The following ADAMTSL1 variants were observed in gnomAD, a reference collection of about 807,000 sequenced individuals.
The protein encoded by ADAMTSL1 is ADAMTS like 1, also known as ADAMTS-like protein 1.
A neutral mutation model predicts 201.8 loss-of-function variants in ADAMTSL1; 126 were observed. The observed-to-expected ratio is 0.62, with a 90% CI of 0.54 to 0.72. ADAMTSL1 has a LOEUF of 0.72. Among genes scored for constraint, ADAMTSL1 ranks in the 30% least tolerant of loss-of-function variants. ADAMTSL1 has a pLI of 0.00. For missense variants in ADAMTSL1, 2,679 were observed against 2,277.8 expected, an observed-to-expected ratio of 1.18 and a Z score of -3.59; for synonymous variants, 1,121 against 903.4, an observed-to-expected ratio of 1.24 and a Z score of -4.32.
intron 3 of ADAMTSL1, among the ~76,000 whole-genome samples, chr9:18,562,559 G>T (rs1484059567): frequency 6.6e-6 from 1 of 152,022 alleles, no homozygotes; most frequent in Non-Finnish European, 1.5e-5. Flanking sequence ...TTTGAATGTT[G>T]GCCTGTCTTG....
In ADAMTSL1 at chr9:18,892,492, C is replaced by A. The variant is rs767391990; in HGVS notation, c.4747C>A (p.Pro1583Thr). Residue 1583 changes from proline to threonine, a missense_variant, in exon 26 of 29, where the codon CCT becomes ACT. Transcript: ENST00000380548. ...QKLKASGIST[P>T]VSNDMCTQVA... is the part of the protein sequence containing the mutation. ...GCTGAAAGCCTCTGGGATCTCCACC[C>A]CTGTGTCCAATGACATGTGCACCCA... 1.9e-6 allele frequency: 3 copies of A among 1,609,388 alleles called. No individual in the cohort carries two copies. The highest frequency in any genetic ancestry group is 2.2e-5 in the South Asian group (2 of 89,716).
At chr9:18,342,052 A>G (rs545211040) in intron 2 of ADAMTSL1, among the ~76,000 whole-genome samples, 2 of 152,276 alleles carry the variant, frequency 1.3e-5, no homozygotes, top group Admixed American at 1.3e-4. Context: ...ATGACCAAAT[A>G]ATGAATTAGG....
chr9:18,698,855 C>G (rs933192854), intron 13 of ADAMTSL1, among the ~76,000 whole-genome samples: 8 of 152,150 alleles, frequency 5.3e-5, no homozygotes, highest in Non-Finnish European at 7.4e-5. Flanking sequence ...TTCCCCCTGG[C>G]CTTTTTCTTA....
At chr9:18,702,730 T>C (rs1270842955) in intron 13 of ADAMTSL1, among the ~76,000 whole-genome samples, 1 of 152,164 alleles carries the variant, frequency 6.6e-6, no homozygotes, top group African/African-American at 2.4e-5. Flanking sequence ...CAAACCATTC[T>C]TCATTCATCC....
intron 1 of ADAMTSL1, among the ~76,000 whole-genome samples, chr9:18,096,499 G>T (rs1432500902): frequency 6.6e-6 from 1 of 152,204 alleles, no homozygotes; most frequent in Admixed American, 6.5e-5. Flanking sequence ...GCCAGAGTAG[G>T]AGATGGGGGT....
chr9:18,391,211 C>T (rs1838031977), intron 2 of ADAMTSL1, among the ~76,000 whole-genome samples: 1 of 152,252 alleles, frequency 6.6e-6, no homozygotes, highest in Middle Eastern at 3.4e-3. Context: ...CATTTTTATA[C>T]CTTTTTCCTA....
At chr9:18,645,311 G>A (rs1185094270) in intron 7 of ADAMTSL1, among the ~76,000 whole-genome samples, 1 of 152,178 alleles carries the variant, frequency 6.6e-6, no homozygotes, top group African/African-American at 2.4e-5. Flanking sequence ...TGAGTAGATT[G>A]TTAAAATTTT....
intron 19 of ADAMTSL1, among the ~76,000 whole-genome samples, chr9:18,784,022 A>G (rs16937068): frequency 0.069 from 10,499 of 152,290 alleles, 407 homozygotes; most frequent in African/African-American, 0.084. Flanking sequence ...TTTGACATCC[A>G]GTTATCTCTC....
intron 3 of ADAMTSL1, among the ~76,000 whole-genome samples, 187 bp from the exon 4 acceptor site, chr9:18,573,843 T>G (rs904516326): frequency 2.0e-5 from 3 of 152,222 alleles, no homozygotes; most frequent in Admixed American, 1.3e-4. Context: ...GATTGCTTTA[T>G]CAGATTTCTA....
intron 2 of ADAMTSL1, among the ~76,000 whole-genome samples, chr9:18,169,912 G>GT (rs139477418): frequency 0.035 from 5,295 of 151,964 alleles, 132 homozygotes; most frequent in Non-Finnish European, 0.057. Context: ...TTAATCTTTG[G>GT]TTTTTTGGAA....
chr9:18,005,024 G>A (rs1208023795), intron 1 of ADAMTSL1, among the ~76,000 whole-genome samples: 1 of 152,102 alleles, frequency 6.6e-6, no homozygotes, highest in Non-Finnish European at 1.5e-5. Context: ...CTGACCTCAT[G>A]GAATTACTTA....
intron 2 of ADAMTSL1, among the ~76,000 whole-genome samples, chr9:18,253,828 C>G (rs1349999467): frequency 6.6e-6 from 1 of 152,168 alleles, no homozygotes; most frequent in Middle Eastern, 3.2e-3. Flanking sequence ...TAGCTTCACA[C>G]ACACTACTAA....
chr9:18,029,650 T>C (rs1820853338), intron 1 of ADAMTSL1, among the ~76,000 whole-genome samples: 3 of 151,866 alleles, frequency 2.0e-5, no homozygotes, highest in Non-Finnish European at 4.4e-5. Flanking sequence ...CCTACTCATC[T>C]GACAAAGGGC....
intron 15 of ADAMTSL1, among the ~76,000 whole-genome samples, chr9:18,724,198 C>G (rs1817725849): frequency 2.0e-5 from 3 of 152,154 alleles, no homozygotes; most frequent in Non-Finnish European, 4.4e-5. Context: ...GAGGTCACCC[C>G]CTGGTTAAGA....
intron 23 of ADAMTSL1, among the ~76,000 whole-genome samples, chr9:18,855,398 A>G (rs989687469): frequency 1.3e-5 from 2 of 152,174 alleles, no homozygotes; most frequent in Non-Finnish European, 2.9e-5. Context: ...GAAAAATTGT[A>G]TAGTTTAAAA....
At chr9:18,295,344 AT>A (rs11402322) in intron 2 of ADAMTSL1, among the ~76,000 whole-genome samples, 477 of 143,834 alleles carry the variant, frequency 3.3e-3, no homozygotes, top group Middle Eastern at 3.8e-3. Flanking sequence ...ACCGTTATTC[AT>A]TTTTTTTTTT....
At chr9:18,765,791 T>A (rs957053554) in intron 16 of ADAMTSL1, among the ~76,000 whole-genome samples, 10 of 152,116 alleles carry the variant, frequency 6.6e-5, no homozygotes, top group Admixed American at 2.6e-4. Context: ...GAGCTAATGG[T>A]CTAAATGGGT....
At chr9:18,009,356 A>G (rs967354853) in intron 1 of ADAMTSL1, among the ~76,000 whole-genome samples, 2 of 151,888 alleles carry the variant, frequency 1.3e-5, no homozygotes, top group Non-Finnish European at 2.9e-5. Context: ...CCTTGTACTC[A>G]CTTCTAATAG....
intron 6 of ADAMTSL1, among the ~76,000 whole-genome samples, chr9:18,638,510 A>G (rs1827242243): frequency 6.6e-6 from 1 of 152,036 alleles, no homozygotes. Context: ...CACACAACAT[A>G]ATTACCATCA....
Sources: gnomAD v4.1 joint callset for allele counts (sites outside exome capture counted in the v4.1 genomes callset) on GRCh38, gnomAD v4.1.1 for gene constraint, MANE v1.5 for transcripts, NCBI Gene and HGNC (gene_info 2026-07-23, HGNC 2026-07-21) for gene names.